IL12RB2: variants seen among roughly 807,000 people sequenced by gnomAD.
The protein encoded by IL12RB2 is interleukin-12 receptor subunit beta-2.
A neutral mutation model predicts 89.4 loss-of-function variants in IL12RB2; 82 were observed. The observed-to-expected ratio is 0.92, with a 90% CI of 0.77 to 1.10. The LOEUF is 1.10. Ranked by LOEUF, IL12RB2 falls within the 50% of genes least tolerant of loss-of-function variation. The probability of loss-of-function intolerance (pLI) is 0.00; values close to 1 mark genes in which losing one functional copy is unlikely to be tolerated. For synonymous variants in IL12RB2, 368 were observed against 370.1 expected, an observed-to-expected ratio of 0.99 and a Z score of 0.07; for missense variants, 963 against 1,031.9, an observed-to-expected ratio of 0.93 and a Z score of 0.92.
intron 1 of IL12RB2, among the ~76,000 whole-genome samples, chr1:67,313,419 T>G (rs1021565306): frequency 6.6e-6 from 1 of 152,190 alleles, no homozygotes; most frequent in Admixed American, 6.5e-5. Context: ...ATCAAAAAAT[T>G]GCAGCATTAG....
intron 14 of IL12RB2, among the ~76,000 whole-genome samples, chr1:67,385,886 C>T (rs911952625): frequency 6.6e-6 from 1 of 152,132 alleles, no homozygotes; most frequent in Non-Finnish European, 1.5e-5. Flanking sequence ...CAGCAAGGTA[C>T]ATGTCACCAT....
At chr1:67,315,592 CA>C (rs1354699656) in intron 2 of IL12RB2, among the ~76,000 whole-genome samples, 1 of 151,866 alleles carries the variant, frequency 6.6e-6, no homozygotes, top group Admixed American at 6.6e-5. Flanking sequence ...ATTAGATTAA[CA>C]GGAAAAAAAT....
intron 2 of IL12RB2, among the ~76,000 whole-genome samples, chr1:67,315,068 A>C (rs1655590633): frequency 6.6e-6 from 1 of 152,172 alleles, no homozygotes; most frequent in Non-Finnish European, 1.5e-5. Flanking sequence ...TGAACTTCTC[A>C]TAAAAGGAGA....
At chr1:67,346,928 A>G (rs977523631) in intron 9 of IL12RB2, among the ~76,000 whole-genome samples, 3 of 152,154 alleles carry the variant, frequency 2.0e-5, no homozygotes, top group Non-Finnish European at 2.9e-5. Context: ...TGATATTTTT[A>G]TATTACTTTA....
chr1:67,352,189 G>A (rs3828068), intron 10 of IL12RB2, among the ~76,000 whole-genome samples: 94,135 of 152,050 alleles, frequency 0.62, 32,912 homozygotes, highest in South Asian at 0.78. Flanking sequence ...TATATGTATA[G>A]TATATGCATA....
chr1:67,391,148 G>A (rs1665767517), intron 16 of IL12RB2, among the ~76,000 whole-genome samples: 1 of 152,082 alleles, frequency 6.6e-6, no homozygotes, highest in Non-Finnish European at 1.5e-5. Flanking sequence ...AACTATCTGA[G>A]CCCAAGTTTC....
intron 10 of IL12RB2, among the ~76,000 whole-genome samples, chr1:67,359,721 A>C (rs1049937307): frequency 6.6e-6 from 1 of 151,348 alleles, no homozygotes; most frequent in Admixed American, 6.6e-5. Flanking sequence ...CTCAAAAAAA[A>C]AACAAAAAAA....
At chr1:67,392,595 T>A (rs1665940269) in intron 16 of IL12RB2, among the ~76,000 whole-genome samples, 1 of 150,988 alleles carries the variant, frequency 6.6e-6, no homozygotes, top group African/African-American at 2.4e-5. Context: ...TAATTTTCAT[T>A]ACATAGTCCC....
rs543103231 is a variant in IL12RB2, at chr1:67,367,625, G to A, written c.1259-200G>A. On this transcript the variant is annotated intron_variant, in intron 10 of 16. Coordinates refer to ENST00000674203, the MANE Select transcript of IL12RB2 (RefSeq NM_001374259.2). ...TTGTACACATGACATTTTACGTAAT[G>A]TTTGAACAAGCTGATGTTGTTAGTT... Among the ~76,000 whole-genome samples, 17 of 152,294 alleles carry A rather than the reference G, an allele frequency of 1.1e-4. No homozygotes were observed. In the Middle Eastern group the frequency reaches 0.017, roughly 152 times the overall value.
chr1:67,329,286 G>C (rs751257847), intron 6 of IL12RB2, among the ~76,000 whole-genome samples: 3 of 152,024 alleles, frequency 2.0e-5, no homozygotes, highest in Non-Finnish European at 2.9e-5. Flanking sequence ...TTGGCACATT[G>C]GTTTTTGAAA....
intron 1 of IL12RB2, among the ~76,000 whole-genome samples, chr1:67,312,717 T>A: frequency 2.2e-5 from 3 of 139,190 alleles, no homozygotes; most frequent in Non-Finnish European, 3.1e-5. Context: ...ACACATTGAA[T>A]TTAAAAAAAA....
chr1:67,321,995 C>T (rs546268670), intron 4 of IL12RB2, 106 bp downstream of exon 4: 4 of 954,214 alleles, frequency 4.2e-6, no homozygotes, highest in Non-Finnish European at 6.8e-6. Context: ...AATGTTCTTT[C>T]TTTTCCCACC....
At chr1:67,375,394 CAA>C (rs1311138490) in intron 13 of IL12RB2, among the ~76,000 whole-genome samples, 2 of 151,862 alleles carry the variant, frequency 1.3e-5, no homozygotes, top group African/African-American at 4.8e-5. Flanking sequence ...GACTCTGTCT[CAA>C]AGAGTGAAAA....
At chr1:67,317,845 C>T (rs1419477909) in intron 2 of IL12RB2, among the ~76,000 whole-genome samples, 1 of 152,132 alleles carries the variant, frequency 6.6e-6, no homozygotes, top group Non-Finnish European at 1.5e-5. Flanking sequence ...TGTTCCTGCT[C>T]TTATGGGGCT....
At chr1:67,359,937 T>C (rs1005298409) in intron 10 of IL12RB2, among the ~76,000 whole-genome samples, 3 of 151,954 alleles carry the variant, frequency 2.0e-5, no homozygotes, top group African/African-American at 7.3e-5. Context: ...CAAATTACCA[T>C]AGCAAAAATC....
intron 11 of IL12RB2, 99 bp downstream of exon 11, chr1:67,368,124 G>A: frequency 2.6e-6 from 2 of 779,968 alleles, no homozygotes; most frequent in South Asian, 2.9e-5. Flanking sequence ...AATTACAGGT[G>A]GCTACATGAT....
At chr1:67,311,331 G>A (rs568313953) in intron 1 of IL12RB2, among the ~76,000 whole-genome samples, 8 of 152,136 alleles carry the variant, frequency 5.3e-5, no homozygotes, top group Non-Finnish European at 8.8e-5. Flanking sequence ...AATTTAAACC[G>A]ATAGAAGAGG....
intron 10 of IL12RB2, among the ~76,000 whole-genome samples, chr1:67,358,611 T>A (rs921503022): frequency 6.6e-6 from 1 of 150,602 alleles, no homozygotes; most frequent in African/African-American, 2.4e-5. Context: ...ATTAAAAAAA[T>A]TAAAATGAGA....
chr1:67,314,163 G>A (rs1443751562), intron 2 of IL12RB2, among the ~76,000 whole-genome samples, 163 bp downstream of exon 2: 2 of 152,124 alleles, frequency 1.3e-5, no homozygotes, highest in South Asian at 2.1e-4. Flanking sequence ...GCTGTTGGAG[G>A]GGAAGGGAGC....
Sources: allele counts gnomAD v4.1 joint callset (sites outside exome capture counted in the v4.1 genomes callset), GRCh38; gene constraint gnomAD v4.1.1; transcripts MANE v1.5; gene names NCBI Gene and HGNC (gene_info 2026-07-23, HGNC 2026-07-21).